The following RTF2 variants were observed in gnomAD, a reference collection of about 807,000 sequenced individuals.
The protein encoded by RTF2 is replication termination factor 2.
A neutral mutation model predicts 38.0 loss-of-function variants in RTF2; 18 were observed. That is an observed-to-expected ratio of 0.47 (90% CI 0.33 to 0.70). The LOEUF is 0.70. Ranked by LOEUF, RTF2 falls within the 30% of genes least tolerant of loss-of-function variation. The pLI, the probability that RTF2 is intolerant of heterozygous loss-of-function variation, is 0.02. For synonymous variants in RTF2, 126 were observed against 137.1 expected (o/e 0.92, Z 0.57); for missense variants, 311 against 379.6 (o/e 0.82, Z 1.50).
At chr20:56,486,514 T>G (rs1403623623) in intron 5 of RTF2, among the ~76,000 whole-genome samples, 2 of 152,082 alleles carry the variant, frequency 1.3e-5, no homozygotes, top group Non-Finnish European at 2.9e-5. Flanking sequence ...CTGGGTGTGG[T>G]GGCACGCGCC....
chr20:56,485,870 A>G (rs1982770784), intron 5 of RTF2, among the ~76,000 whole-genome samples: 2 of 152,108 alleles, frequency 1.3e-5, no homozygotes, highest in South Asian at 2.1e-4. Context: ...ATCACACTCT[A>G]TTTTGCTTTT....
At chr20:56,499,795 G>C (rs1054145164) in intron 5 of RTF2, among the ~76,000 whole-genome samples, 2 of 151,692 alleles carry the variant, frequency 1.3e-5, no homozygotes, top group Non-Finnish European at 2.9e-5. Context: ...GGAGTGAAGT[G>C]GCGCAGTCTC....
At chr20:56,516,861 C>CA (rs906987202) in intron 6 of RTF2, 74 bp from the exon 7 acceptor site, 2 of 1,403,632 alleles carry the variant, frequency 1.4e-6, no homozygotes, top group African/African-American at 2.8e-5. Flanking sequence ...GCACCCGGGA[C>CA]AATGGGCAGC....
chr20:56,487,811 T>C (rs1464420364), intron 5 of RTF2, among the ~76,000 whole-genome samples: 4 of 152,246 alleles, frequency 2.6e-5, no homozygotes, highest in Non-Finnish European at 5.9e-5. Context: ...CATTGGCTTC[T>C]AGACGGCCTT....
At chr20:56,485,825 G>C (rs1243489313) in intron 5 of RTF2, among the ~76,000 whole-genome samples, 1 of 152,222 alleles carries the variant, frequency 6.6e-6, no homozygotes, top group Non-Finnish European at 1.5e-5. Flanking sequence ...CACTCACGGA[G>C]ATTGCAGTCC....
intron 5 of RTF2, chr20:56,495,219 A>T (rs1273153678): frequency 6.4e-7 from 1 of 1,551,272 alleles, no homozygotes; most frequent in Admixed American, 2.0e-5. Flanking sequence ...TCCATCATGA[A>T]CATTTCCTTC....
intron 5 of RTF2, among the ~76,000 whole-genome samples, chr20:56,499,904 T>A (rs1007285932): frequency 1.3e-5 from 2 of 151,278 alleles, no homozygotes; most frequent in Admixed American, 6.6e-5. Context: ...GCTAGCTAAT[T>A]TCTGTATTTT....
intron 4 of RTF2, among the ~76,000 whole-genome samples, chr20:56,479,818 C>CTTTTTT (rs56227133): frequency 7.0e-6 from 1 of 142,440 alleles, no homozygotes; most frequent in Non-Finnish European, 1.5e-5. Context: ...TGAAAGGAAT[C>CTTTTTT]TTTTTTTTTT....
chr20:56,491,878 G>T, intron 5 of RTF2: 1 of 844,514 alleles, frequency 1.2e-6, no homozygotes, highest in Non-Finnish European at 1.9e-6. Context: ...GGTGTCAGTG[G>T]TGAGCCTCAG....
chr20:56,496,711 C>G (rs114029824), intron 5 of RTF2: 1 of 1,551,516 alleles, frequency 6.4e-7, no homozygotes, highest in African/African-American at 1.4e-5. Context: ...TGAAGCATGT[C>G]TTTTGCATGG....
At chr20:56,498,304 C>G (rs545996603) in intron 5 of RTF2, among the ~76,000 whole-genome samples, 1 of 152,290 alleles carries the variant, frequency 6.6e-6, no homozygotes, top group Admixed American at 6.5e-5. Flanking sequence ...GGCATAGTGG[C>G]TCATGCCTGT....
At chr20:56,508,131 A>G (rs567721745) in intron 5 of RTF2, among the ~76,000 whole-genome samples, 14 of 152,200 alleles carry the variant, frequency 9.2e-5, no homozygotes, top group Non-Finnish European at 1.9e-4. Flanking sequence ...AAAATTTACC[A>G]GACCCACCCT....
At position 56,477,113 on chromosome 20, in the gene RTF2, C is replaced by T. The variant is rs113380642; in HGVS notation, c.387C>T (p.Asn129=). ...GCCCCGTTGTGGGCCTGGAGATGAA[C>T]GGCCGACACAGGTTAGTGACGGACC... ...FICPVVGLEM[N]GRHRFCFLRC... The change falls in exon 4 of 9, where the codon AAC becomes AAT. Residue 129 remains asparagine (N), a synonymous_variant. Transcript: ENST00000357348. The T allele has an allele frequency of 6.0e-5, 97 of 1,613,586 alleles. 1 individual carries two copies. In the Admixed American group the frequency reaches 7.3e-4, roughly 12 times the overall value.
At chr20:56,491,755 G>T (rs1374093729) in intron 5 of RTF2, 11 of 1,551,930 alleles carry the variant, frequency 7.1e-6, no homozygotes, top group Non-Finnish European at 9.6e-6. Flanking sequence ...CTCCTGGTCC[G>T]TATACGCAGA....
chr20:56,483,677 G>A (rs1348316035), intron 4 of RTF2, among the ~76,000 whole-genome samples: 4 of 152,022 alleles, frequency 2.6e-5, no homozygotes, highest in African/African-American at 9.7e-5. Flanking sequence ...ATGTGTCCTG[G>A]TTTCAAAAGG....
At chr20:56,516,248 G>A (rs1236435545) in intron 6 of RTF2, 1 of 152,202 alleles carries the variant, frequency 6.6e-6, no homozygotes, top group Non-Finnish European at 1.5e-5. Context: ...ACATTTTAAA[G>A]TAAATTAAAT....
intron 5 of RTF2, among the ~76,000 whole-genome samples, chr20:56,491,284 G>A (rs1464405857): frequency 6.6e-6 from 1 of 152,148 alleles, no homozygotes; most frequent in Non-Finnish European, 1.5e-5. Context: ...TGGAGAATTT[G>A]GGTTTTCAGC....
chr20:56,472,734 A>T (rs1184108568), intron 1 of RTF2, among the ~76,000 whole-genome samples: 1 of 151,870 alleles, frequency 6.6e-6, no homozygotes, highest in African/African-American at 2.4e-5. Flanking sequence ...TAATATTTGT[A>T]TGTGGCTTGC....
chr20:56,512,497 C>A (rs536827773), intron 5 of RTF2, among the ~76,000 whole-genome samples: 1 of 151,400 alleles, frequency 6.6e-6, no homozygotes, highest in East Asian at 1.9e-4. Flanking sequence ...AGAGGTGGCT[C>A]ACTCACTGAC....
Sources: gnomAD v4.1 joint callset for allele counts (sites outside exome capture counted in the v4.1 genomes callset) on GRCh38, gnomAD v4.1.1 for gene constraint, MANE v1.5 for transcripts, NCBI Gene and HGNC (gene_info 2026-07-23, HGNC 2026-07-21) for gene names.